HECW1: variants seen among roughly 807,000 people sequenced by gnomAD.
The protein encoded by HECW1 is E3 ubiquitin-protein ligase HECW1.
In HECW1, 61 loss-of-function variants were observed where a neutral mutation model predicts 182.3. That is an observed-to-expected ratio of 0.33 (90% confidence interval 0.27 to 0.41). The LOEUF is 0.41. Ranked by LOEUF, HECW1 falls within the 10% of genes least tolerant of loss-of-function variation. The pLI is 1.00. For missense variants in HECW1, 1,739 were observed against 2,108.9 expected (o/e 0.82, Z 3.44); for synonymous variants, 859 against 832.6 (o/e 1.03, Z -0.55).
chr7:43,525,187 G>A (rs1326086361), intron 24 of HECW1, among the ~76,000 whole-genome samples: 1 of 152,084 alleles, frequency 6.6e-6, no homozygotes. Context: ...ATAATCGGTC[G>A]GAATATGTGG....
chr7:43,341,731 C>T (rs527320382), intron 5 of HECW1, among the ~76,000 whole-genome samples: 69 of 151,760 alleles, frequency 4.5e-4, no homozygotes, highest in Non-Finnish European at 6.3e-4. Context: ...TATAACCAGT[C>T]CGTAATACAG....
At chr7:43,221,579 T>G (rs918470603) in intron 2 of HECW1, among the ~76,000 whole-genome samples, 18 of 114,636 alleles carry the variant, frequency 1.6e-4, no homozygotes, top group South Asian at 2.9e-4. Context: ...TTTTTTTTTT[T>G]GGGACAGCCT....
chr7:43,400,006 C>A (rs952946332), intron 7 of HECW1, among the ~76,000 whole-genome samples: 7 of 152,160 alleles, frequency 4.6e-5, no homozygotes, highest in Non-Finnish European at 8.8e-5. Context: ...GAGGCCAAGG[C>A]AGAAGGATTG....
At position 43,243,815 on chromosome 7, in the gene HECW1, G is replaced by A; in HGVS notation, c.-31-60G>A. The A allele has an allele frequency of 7.9e-7, 1 of 1,273,668 alleles. No individual in the cohort carries two copies. The highest frequency in any genetic ancestry group is 1.2e-6 in the Non-Finnish European group (1 of 869,440). The allele number at this position is 1,273,668 out of a possible 1,614,324, so 78.9% of individuals were successfully genotyped here. A position where few individuals can be genotyped will look rare whatever the true frequency, so the allele number is the denominator to read the frequency against. On this transcript the variant is annotated intron_variant, in intron 2 of 29. Coordinates refer to ENST00000395891, the MANE Select transcript of HECW1 (RefSeq NM_015052.5). The surrounding 1 kb of genome is among the most constrained non-coding windows in gnomAD (Gnocchi z 4.0). ...AAACAATGTTGTTTGTGTGGGTAAT[G>A]TTGCTGATTTTGTTTGCTTGGGATA...
rs1321631995 is a variant in HECW1, at chr7:43,554,651, A to G, written c.4570A>G (p.Asn1524Asp). ...CTGGGCTGCGGTGGAGCGCTTCAAT[A>G]ATGAGCAGAGGCTGAGATTACTGCA... ...WFWAAVERFN[N>D]EQRLRLLQFV... is the part of the protein sequence containing the mutation. The change falls in exon 29 of 30, where the codon AAT becomes GAT. Residue 1524 changes from asparagine to aspartate, a missense_variant. Physicochemically the swap from Asn to Asp is conservative, Grantham distance 23 (BLOSUM62 1). Transcript: ENST00000395891. 1 of 1,613,960 alleles carries G rather than the reference A, an allele frequency of 6.2e-7. No individual in the cohort carries two copies. Among genetic ancestry groups the G allele is most frequent in the African/African-American group, 1.3e-5 (1 of 75,056 alleles).
At chr7:43,524,007 TA>T (rs5883870) in intron 24 of HECW1, among the ~76,000 whole-genome samples, 2 of 151,320 alleles carry the variant, frequency 1.3e-5, no homozygotes, top group Non-Finnish European at 3.0e-5. Context: ...TTTTTCATCT[TA>T]AAAAAAAAGA....
intron 2 of HECW1, among the ~76,000 whole-genome samples, chr7:43,141,697 C>T (rs1043963301): frequency 6.6e-6 from 1 of 152,092 alleles, no homozygotes; most frequent in African/African-American, 2.4e-5. Context: ...AGGGTTTCTC[C>T]ATGTTGGTCA....
At chr7:43,450,416 A>G (rs1437444816) in intron 11 of HECW1, among the ~76,000 whole-genome samples, 1 of 152,210 alleles carries the variant, frequency 6.6e-6, no homozygotes, top group Non-Finnish European at 1.5e-5. Context: ...GTCATTTTGC[A>G]TAAGCCCAAG....
chr7:43,137,595 G>T (rs1787699450), intron 2 of HECW1, among the ~76,000 whole-genome samples: 1 of 150,280 alleles, frequency 6.7e-6, no homozygotes, highest in Non-Finnish European at 1.5e-5. Flanking sequence ...TGTCATCCAG[G>T]CTGGAGTGCA....
At position 43,388,168 on chromosome 7, in the gene HECW1, G is replaced by T. The variant is rs917919186; in HGVS notation, c.556-8646G>T. On this transcript the variant is annotated intron_variant, in intron 6 of 29. Coordinates refer to ENST00000395891, the MANE Select transcript of HECW1 (RefSeq NM_015052.5). ...CCTCTTCACACCATATTGTACACCTGCCTGTGACCACCTCCGTAAATGCTC... is the reference window on the plus strand; with the variant it reads ...CCTCTTCACACCATATTGTACACCTTCCTGTGACCACCTCCGTAAATGCTC... 2.0e-5 allele frequency among the ~76,000 whole-genome samples: 3 copies of T among 152,286 alleles called. No homozygotes were observed. In the South Asian group the frequency reaches 6.2e-4, roughly 32 times the overall value.
chr7:43,491,031 G>T (rs921833626), intron 17 of HECW1, among the ~76,000 whole-genome samples: 4 of 152,192 alleles, frequency 2.6e-5, no homozygotes, highest in Non-Finnish European at 4.4e-5. Context: ...GGGATTACAG[G>T]TGTGAGCCAC....
At chr7:43,131,334 G>C (rs1435389850) in intron 2 of HECW1, among the ~76,000 whole-genome samples, 1 of 152,198 alleles carries the variant, frequency 6.6e-6, no homozygotes, top group Admixed American at 6.5e-5. Flanking sequence ...TCAGTCTACA[G>C]ATGGGAGTAC....
At chr7:43,483,259 A>G (rs1380134107) in intron 17 of HECW1, among the ~76,000 whole-genome samples, 1 of 152,176 alleles carries the variant, frequency 6.6e-6, no homozygotes, top group Non-Finnish European at 1.5e-5. Flanking sequence ...GACTCTTGGC[A>G]TTTGGGGCAG....
In HECW1 at chr7:43,552,365, A is replaced by G. The variant is rs765922551; in HGVS notation, c.4510+29A>G. 3.2e-6 allele frequency: 4 copies of G among 1,261,192 alleles called. No individual in the cohort carries two copies. The South Asian group carries it at 3.6e-5, about 11-fold the overall frequency. 78.1% of individuals were successfully genotyped at this position (1,261,192 alleles called of 1,614,324 possible). Reference sequence around the variant, plus strand: ...AGTGGGCAGGAGCTGTAATGATGCAATGATCACAAATAGAACTCAGCACTT... The same window carrying G: ...AGTGGGCAGGAGCTGTAATGATGCAGTGATCACAAATAGAACTCAGCACTT... On this transcript the variant is annotated intron_variant, in intron 28 of 29. Coordinates refer to ENST00000395891, the MANE Select transcript of HECW1 (RefSeq NM_015052.5).
rs2081764451 is a variant in HECW1 at position 43,550,501 on chromosome 7, CAAG to C, written c.4309_4311del (p.Lys1437del). ...CCAACACACAGGTGACGGAGAAAAA[CAAG>C]AAGGAGTACATCGAGCGCATGGTGA... On this transcript the variant is annotated inframe_deletion, in exon 27 of 30. Transcript: ENST00000395891. The C allele has an allele frequency of 2.5e-6, 4 of 1,614,094 alleles. No homozygotes were observed. Among genetic ancestry groups the C allele is most frequent in the Non-Finnish European group, 3.4e-6 (4 of 1,179,990 alleles).
At position 43,243,957 on chromosome 7, in the gene HECW1, G is replaced by A. The variant is rs758767406; in HGVS notation, c.27+25G>A. 5 of 1,574,138 alleles carry A rather than the reference G, an allele frequency of 3.2e-6. No homozygotes were observed. Among genetic ancestry groups the A allele is most frequent in the Non-Finnish European group, 4.4e-6 (5 of 1,143,570 alleles). ...GGTCAGTGTGCTTTTCTGATTATAA[G>A]AAACCATCCATGTCATTCCATTATA... On this transcript the variant is annotated intron_variant, in intron 3 of 29. Transcript: ENST00000395891. The surrounding 1 kb of genome is among the most constrained non-coding windows in gnomAD (Gnocchi z 4.0).
intron 7 of HECW1, among the ~76,000 whole-genome samples, chr7:43,403,314 G>C (rs1400588324): frequency 6.6e-6 from 1 of 152,338 alleles, no homozygotes; most frequent in East Asian, 1.9e-4. Context: ...TTGTAGTGAA[G>C]TGACAGGGCA....
At chr7:43,332,475 C>T (rs1811619256) in intron 5 of HECW1, among the ~76,000 whole-genome samples, 1 of 152,184 alleles carries the variant, frequency 6.6e-6, no homozygotes, top group Non-Finnish European at 1.5e-5. Flanking sequence ...GGCGAGAGGC[C>T]AAATTTGGCA....
At chr7:43,484,268 T>C (rs750302044) in intron 17 of HECW1, 8 of 152,230 alleles carry the variant, frequency 5.3e-5, no homozygotes, top group Non-Finnish European at 1.2e-4. Context: ...ATTAACTACA[T>C]AGAGCTAAGA....
Sources: allele counts gnomAD v4.1 joint callset (sites outside exome capture counted in the v4.1 genomes callset), GRCh38; gene constraint gnomAD v4.1.1; non-coding constraint Gnocchi (gnomAD v3.1); transcripts MANE v1.5; gene names NCBI Gene and HGNC (gene_info 2026-07-23, HGNC 2026-07-21).